Variants in FOXN3 observed in about 807,000 individuals in gnomAD.
The protein encoded by FOXN3 is forkhead box N3.
FOXN3 carries 7 observed loss-of-function variants against 38.4 expected under a neutral mutation model. That is an observed-to-expected ratio of 0.18 (90% CI 0.10 to 0.34). The LOEUF is 0.34. FOXN3 is among the 10% of genes least tolerant of loss of function. The probability of loss-of-function intolerance (pLI) is 1.00; values close to 1 mark genes in which losing one functional copy is unlikely to be tolerated. For missense variants in FOXN3, 456 were observed against 613.4 expected, an observed-to-expected ratio of 0.74 and a Z score of 2.71; for synonymous variants, 230 against 242.2, an observed-to-expected ratio of 0.95 and a Z score of 0.47.
intron 4 of FOXN3, among the ~76,000 whole-genome samples, chr14:89,266,738 G>T (rs1214937861): frequency 6.6e-6 from 1 of 152,148 alleles, no homozygotes; most frequent in Non-Finnish European, 1.5e-5. Context: ...AGGTGTCAGG[G>T]AAGACTCTGC....
At chr14:89,589,706 A>C (rs899019203) in intron 1 of FOXN3, among the ~76,000 whole-genome samples, 2 of 113,950 alleles carry the variant, frequency 1.8e-5, no homozygotes, top group African/African-American at 6.9e-5. Flanking sequence ...GCTTCTTAAA[A>C]TCAGCCATGA....
intron 4 of FOXN3, among the ~76,000 whole-genome samples, chr14:89,200,050 T>C (rs971520669): frequency 2.0e-5 from 3 of 152,176 alleles, no homozygotes; most frequent in African/African-American, 7.2e-5. Flanking sequence ...TGTGCTTGGA[T>C]AATTTTTAGG....
intron 2 of FOXN3, among the ~76,000 whole-genome samples, chr14:89,404,454 G>A (rs1205593182): frequency 1.5e-5 from 2 of 134,230 alleles, no homozygotes; most frequent in Admixed American, 1.7e-4. Context: ...GCAGTGAGCC[G>A]AGATTGCACC....
intron 1 of FOXN3, among the ~76,000 whole-genome samples, chr14:89,531,552 G>C (rs1009548188): frequency 2.0e-5 from 3 of 152,142 alleles, no homozygotes; most frequent in Non-Finnish European, 4.4e-5. Flanking sequence ...GACACTTGTG[G>C]AATCCCAGTG....
intron 4 of FOXN3, among the ~76,000 whole-genome samples, chr14:89,209,280 G>A (rs1050806244): frequency 1.3e-5 from 2 of 152,160 alleles, no homozygotes; most frequent in East Asian, 1.9e-4. Flanking sequence ...ATTCCTTTAC[G>A]TATTAGGAGC....
chr14:89,526,969 A>T (rs188866437), intron 1 of FOXN3, among the ~76,000 whole-genome samples: 2 of 152,308 alleles, frequency 1.3e-5, no homozygotes, highest in East Asian at 3.9e-4. Context: ...AAACAAAAGT[A>T]AAAAAGTAAT....
chr14:89,611,688 C>T (rs1000684417), intron 1 of FOXN3, among the ~76,000 whole-genome samples: 1 of 152,016 alleles, frequency 6.6e-6, no homozygotes, highest in South Asian at 2.1e-4. Context: ...TGCCTGTAGT[C>T]CCAGCTGCTG....
chr14:89,417,470 G>A (rs1231326039), upstream of FOXN3: 1 of 150,172 alleles, frequency 6.7e-6, no homozygotes, highest in Non-Finnish European at 1.5e-5. Flanking sequence ...CCGCGGGGCG[G>A]GGGTGACCGG....
chr14:89,166,314 ATCC>A (rs1263582571), intron 5 of FOXN3, among the ~76,000 whole-genome samples: 1 of 152,190 alleles, frequency 6.6e-6, no homozygotes, highest in Non-Finnish European at 1.5e-5. Flanking sequence ...TCTTAAAGAG[ATCC>A]CATGGATTAA....
rs1323554481 is a variant in FOXN3 at position 89,424,911 on chromosome 14, A to AC, written c.-14-12422dup. 2.6e-5 allele frequency among the ~76,000 whole-genome samples: 4 copies of AC among 152,074 alleles called. No homozygotes were observed. In the East Asian group the frequency reaches 7.7e-4, roughly 29 times the overall value. On this transcript the variant is annotated intron_variant, in intron 1 of 6. Coordinates refer to the FOXN3 transcript ENST00000345097. ...TAGAAAATCTGTGCCCAGCTGAGTT[A>AC]CCCCACATGACCAGAGCTACTAATG...
intron 1 of FOXN3, among the ~76,000 whole-genome samples, chr14:89,522,734 T>C (rs1894348309): frequency 6.7e-6 from 1 of 150,332 alleles, no homozygotes; most frequent in Non-Finnish European, 1.5e-5. Context: ...CAAAGATATA[T>C]AGCTATTAAA....
At chr14:89,540,673 G>A (rs954610826) in intron 1 of FOXN3, among the ~76,000 whole-genome samples, 1 of 151,534 alleles carries the variant, frequency 6.6e-6, no homozygotes, top group African/African-American at 2.4e-5. Flanking sequence ...GGGAGGCGGA[G>A]GCTGTAGTGA....
intron 4 of FOXN3, among the ~76,000 whole-genome samples, chr14:89,252,755 T>C (rs1885498146): frequency 6.6e-6 from 1 of 152,200 alleles, no homozygotes; most frequent in South Asian, 2.1e-4. Context: ...TTTTACCTAT[T>C]CCTCGATTTT....
At chr14:89,448,274 G>C (rs527974881) in intron 1 of FOXN3, among the ~76,000 whole-genome samples, 15 of 152,016 alleles carry the variant, frequency 9.9e-5, no homozygotes, top group African/African-American at 3.4e-4. Context: ...ATTTCTTCCC[G>C]CCCCACGCCC....
At chr14:89,503,597 C>T (rs571255151) in intron 1 of FOXN3, among the ~76,000 whole-genome samples, 3 of 152,274 alleles carry the variant, frequency 2.0e-5, no homozygotes, top group Admixed American at 6.5e-5. Context: ...TTACCAACAC[C>T]GGTAATTCAT....
At chr14:89,555,888 TATGTGGGG>T (rs1596316462) in intron 1 of FOXN3, among the ~76,000 whole-genome samples, 37 of 119,592 alleles carry the variant, frequency 3.1e-4, no homozygotes, top group Middle Eastern at 4.3e-3. Context: ...TGTGGGGGTG[TATGTGGGG>T]GTGTGTGTGT....
chr14:89,473,371 A>C, intron 1 of FOXN3, among the ~76,000 whole-genome samples: 1 of 141,140 alleles, frequency 7.1e-6, no homozygotes. Flanking sequence ...TGGAAGATTT[A>C]CTCCACAACG....
In FOXN3 at chr14:89,393,561, C is replaced by A. The variant is rs1257115164; in HGVS notation, c.543+18373G>T. On this transcript the variant is annotated intron_variant, in intron 2 of 5. Transcript: ENST00000557258. ...GAGCGTTGTTGTCAATCTCCCATGG[C>A]CACATGGCGGCCAGAAACGGAGCTC... Among the ~76,000 whole-genome samples, 3 of 152,276 alleles carry A rather than the reference C, an allele frequency of 2.0e-5. No homozygotes were observed. The East Asian group carries it at 5.8e-4, about 29-fold the overall frequency.
At chr14:89,194,853 T>C (rs1220860470) in intron 4 of FOXN3, among the ~76,000 whole-genome samples, 1 of 152,182 alleles carries the variant, frequency 6.6e-6, no homozygotes, top group Non-Finnish European at 1.5e-5. Context: ...ACATATTCAT[T>C]GAAAAACTAA....
Sources: allele counts gnomAD v4.1 joint callset (sites outside exome capture counted in the v4.1 genomes callset), GRCh38; gene constraint gnomAD v4.1.1; transcripts MANE v1.5; gene names NCBI Gene and HGNC (gene_info 2026-07-23, HGNC 2026-07-21).